The following ANGPT1 variants were observed in gnomAD, a reference collection of about 807,000 sequenced individuals.
ANGPT1 encodes the protein angiopoietin-1.
ANGPT1 carries 17 observed loss-of-function variants against 62.2 expected under a neutral mutation model. The ratio of observed to expected loss-of-function variants is 0.27; its 90% CI spans 0.19 to 0.41. The LOEUF (loss-of-function observed/expected upper bound fraction) is 0.41, where lower values mean the gene tolerates loss of function less well. Ranked by LOEUF, ANGPT1 falls within the 10% of genes least tolerant of loss-of-function variation. The pLI, the probability that ANGPT1 is intolerant of heterozygous loss-of-function variation, is 1.00. For synonymous variants in ANGPT1, 199 were observed against 198.9 expected (o/e 1.00, Z 0.00); for missense variants, 478 against 594.9 (o/e 0.80, Z 2.04).
chr8:107,268,195 A>T (rs1209896873), intron 7 of ANGPT1, among the ~76,000 whole-genome samples: 1 of 152,104 alleles, frequency 6.6e-6, no homozygotes, highest in Non-Finnish European at 1.5e-5. Flanking sequence ...TAGATGGATG[A>T]TGGGTTTACT....
At chr8:107,268,596 A>T (rs1430075187) in intron 7 of ANGPT1, among the ~76,000 whole-genome samples, 1 of 152,134 alleles carries the variant, frequency 6.6e-6, no homozygotes, top group Non-Finnish European at 1.5e-5. Context: ...TATTCCTTAC[A>T]TTTTATTGAA....
At chr8:107,482,672 C>T (rs1270416290) in intron 1 of ANGPT1, among the ~76,000 whole-genome samples, 2 of 152,090 alleles carry the variant, frequency 1.3e-5, no homozygotes, top group Non-Finnish European at 2.9e-5. Flanking sequence ...CTGTTCTCTA[C>T]CTATTACTTG....
chr8:107,412,949 G>T (rs1351422611), intron 1 of ANGPT1, among the ~76,000 whole-genome samples: 2 of 152,152 alleles, frequency 1.3e-5, no homozygotes, highest in Admixed American at 1.3e-4. Flanking sequence ...GCCAGGGAGT[G>T]CTTCAGGTTA....
chr8:107,344,747 C>G (rs1368496), intron 2 of ANGPT1, among the ~76,000 whole-genome samples: 33,666 of 152,124 alleles, frequency 0.22, 4,460 homozygotes, highest in African/African-American at 0.36. Flanking sequence ...ACACTTACCA[C>G]TGTGAAGCCA....
At chr8:107,308,480 C>G (rs1229546839) in intron 4 of ANGPT1, among the ~76,000 whole-genome samples, 1 of 151,980 alleles carries the variant, frequency 6.6e-6, no homozygotes, top group Non-Finnish European at 1.5e-5. Flanking sequence ...AATACAGCAC[C>G]AAAGAGAGAG....
At chr8:107,315,819 G>A (rs968815666) in intron 4 of ANGPT1, among the ~76,000 whole-genome samples, 15 of 152,134 alleles carry the variant, frequency 9.9e-5, no homozygotes, top group East Asian at 5.8e-4. Flanking sequence ...AAAAATAGCC[G>A]TTTGCATCTG....
chr8:107,360,890 GC>G (rs1353093832), intron 1 of ANGPT1, among the ~76,000 whole-genome samples: 11 of 152,174 alleles, frequency 7.2e-5, no homozygotes, highest in Non-Finnish European at 1.5e-5. Flanking sequence ...GACTTTGTAA[GC>G]CCAGCATAAA....
intron 2 of ANGPT1, 114 bp from the exon 3 acceptor site, chr8:107,336,385 G>C: frequency 7.1e-7 from 1 of 1,405,676 alleles, no homozygotes; most frequent in African/African-American, 1.5e-5. Flanking sequence ...ATGGTTTACC[G>C]CCGGGCGCAG....
chr8:107,296,381 G>C (rs1418930858), intron 5 of ANGPT1, among the ~76,000 whole-genome samples: 1 of 152,068 alleles, frequency 6.6e-6, no homozygotes, highest in Admixed American at 6.6e-5. Context: ...AGATAAAATA[G>C]GAAAATTTGA....
intron 1 of ANGPT1, among the ~76,000 whole-genome samples, chr8:107,431,228 T>C (rs1811178748): frequency 6.6e-6 from 1 of 152,160 alleles, no homozygotes; most frequent in African/African-American, 2.4e-5. Context: ...GTGATTTTGG[T>C]TTATAATTAG....
At chr8:107,376,382 T>C (rs929922116) in intron 1 of ANGPT1, among the ~76,000 whole-genome samples, 15 of 152,178 alleles carry the variant, frequency 9.9e-5, no homozygotes, top group Non-Finnish European at 2.2e-4. Flanking sequence ...GAGAGATTGC[T>C]GCAATTTAGA....
chr8:107,469,727 C>T (rs1399015408), intron 1 of ANGPT1, among the ~76,000 whole-genome samples: 1 of 152,034 alleles, frequency 6.6e-6, no homozygotes, highest in East Asian at 1.9e-4. Context: ...TCCATCCCTA[C>T]TTTATGCAAT....
intron 1 of ANGPT1, among the ~76,000 whole-genome samples, chr8:107,403,927 CACTGGAGAATTTT>C (rs1311818117): frequency 6.6e-6 from 1 of 151,848 alleles, no homozygotes; most frequent in Admixed American, 6.6e-5. Flanking sequence ...GCAAAATGGC[CACTGGAGAATTTT>C]AAAATTGGAA....
At chr8:107,308,457 T>C (rs958474533) in intron 4 of ANGPT1, among the ~76,000 whole-genome samples, 19 of 152,154 alleles carry the variant, frequency 1.2e-4, no homozygotes, top group African/African-American at 2.9e-4. Flanking sequence ...AAGGCTATAA[T>C]GTCACCAGTT....
chr8:107,481,058 G>GCTTA (rs1424543804), intron 1 of ANGPT1, among the ~76,000 whole-genome samples: 9 of 152,144 alleles, frequency 5.9e-5, no homozygotes, highest in Non-Finnish European at 1.5e-5. Flanking sequence ...GTTTGCCAAT[G>GCTTA]CTTAGCATGG....
chr8:107,332,508 G>A (rs939146350), intron 3 of ANGPT1, among the ~76,000 whole-genome samples: 6 of 152,214 alleles, frequency 3.9e-5, no homozygotes, highest in Admixed American at 1.3e-4. Context: ...GTAGGGGATA[G>A]AGAAGTGAAT....
At chr8:107,366,083 A>C (rs1672149) in intron 1 of ANGPT1, among the ~76,000 whole-genome samples, 79,089 of 151,610 alleles carry the variant, frequency 0.52, 20,677 homozygotes, top group Admixed American at 0.6. Context: ...CATAATGTTC[A>C]GTTACAAAAC....
At chr8:107,275,058 A>G (rs970158582) in intron 7 of ANGPT1, among the ~76,000 whole-genome samples, 1 of 152,132 alleles carries the variant, frequency 6.6e-6, no homozygotes, top group East Asian at 1.9e-4. Context: ...AAATCCAATT[A>G]GGCAAAGTGA....
At chr8:107,437,819 TAAGAAA>T (rs1164561695) in intron 1 of ANGPT1, among the ~76,000 whole-genome samples, 4 of 150,156 alleles carry the variant, frequency 2.7e-5, no homozygotes, top group South Asian at 4.2e-4. Flanking sequence ...ACTAAAAAAA[TAAGAAA>T]AAGAAAAAGA....
Sources: allele counts gnomAD v4.1 joint callset (sites outside exome capture counted in the v4.1 genomes callset), GRCh38; gene constraint gnomAD v4.1.1; transcripts MANE v1.5; gene names NCBI Gene and HGNC (gene_info 2026-07-23, HGNC 2026-07-21).